Variants in IL1RAPL1 observed in about 807,000 individuals in gnomAD.
IL1RAPL1 encodes interleukin 1 receptor accessory protein like 1.
A neutral mutation model predicts 48.4 loss-of-function variants in IL1RAPL1; 3 were observed. That is an observed-to-expected ratio of 0.06 (90% CI 0.03 to 0.16). The LOEUF is 0.16. Ranked by LOEUF, IL1RAPL1 falls within the 10% of genes least tolerant of loss-of-function variation. The pLI, the probability that IL1RAPL1 is intolerant of heterozygous loss-of-function variation, is 1.00. For synonymous variants in IL1RAPL1, 185 were observed against 187.7 expected (o/e 0.99, Z 0.12); for missense variants, 349 against 530.6 (o/e 0.66, Z 3.36).
intron 5 of IL1RAPL1, among the ~76,000 whole-genome samples, chrX:29,487,367 C>T (rs1231143791): frequency 8.9e-6 from 1 of 112,040 alleles, no homozygotes; most frequent in African/African-American, 3.2e-5. Flanking sequence ...CAATTCCTTT[C>T]ACTCTTCTTT....
intron 1 of IL1RAPL1, among the ~76,000 whole-genome samples, chrX:28,753,967 C>T (rs1284031132): frequency 9.0e-6 from 1 of 110,651 alleles, no homozygotes; most frequent in Non-Finnish European, 1.9e-5. Flanking sequence ...CGAGAACACA[C>T]CCTAAAAGGT....
At chrX:29,631,848 A>G (rs1007427822) in intron 5 of IL1RAPL1, among the ~76,000 whole-genome samples, 4 of 111,653 alleles carry the variant, frequency 3.6e-5, no homozygotes, top group African/African-American at 1.3e-4. Flanking sequence ...TGAATCACAC[A>G]CACAACCACA....
chrX:28,894,584 T>C (rs189405988), intron 2 of IL1RAPL1, among the ~76,000 whole-genome samples: 7 of 111,138 alleles, frequency 6.3e-5, no homozygotes, highest in African/African-American at 2.0e-4. Flanking sequence ...GAGCAGAAAG[T>C]ATATGCGTCA....
At position 28,997,212 on chromosome X, in the gene IL1RAPL1, C is replaced by T. The variant is rs981474974; in HGVS notation, c.82+207787C>T. ...CATACATGAAAAAACTGCCAAAAAC[C>T]TGATGCATTTGTGGTGTAATATTAA... On this transcript the variant is annotated intron_variant, in intron 2 of 10. Coordinates refer to ENST00000378993, the MANE Select transcript of IL1RAPL1 (RefSeq NM_014271.4). Among the ~76,000 whole-genome samples, 4 of 111,411 alleles carry T rather than the reference C, an allele frequency of 3.6e-5. No individual in the cohort carries two copies. In the Admixed American group the frequency reaches 3.8e-4, roughly 11 times the overall value.
rs377736234 is a variant in IL1RAPL1, at chrX:28,985,657, A to ATT, written c.82+196251_82+196252dup. On this transcript the variant is annotated intron_variant, in intron 2 of 10. Coordinates refer to ENST00000378993, the MANE Select transcript of IL1RAPL1 (RefSeq NM_014271.4). ...ATTTCCATCTTTACCTAACGAGCAC[A>ATT]TTTTTTTTTTTTTTTTTTTTGAGAC... Among the ~76,000 whole-genome samples the ATT allele has an allele frequency of 1.4e-3, 127 of 92,661 alleles. 2 individuals are homozygous for ATT. The highest frequency in any genetic ancestry group is 6.3e-3 in the Middle Eastern group (1 of 158). The allele number at this position is 92,661 out of a possible 115,157, so 80.5% of individuals were successfully genotyped here.
At chrX:29,094,597 A>AC (rs5901909) in intron 2 of IL1RAPL1, among the ~76,000 whole-genome samples, 1 of 15,575 alleles carries the variant, frequency 6.4e-5, no homozygotes, top group East Asian at 1.6e-3. Context: ...ATCTCTACTT[A>AC]AAAAAAAAAA....
At chrX:28,891,819 C>A (rs1200533454) in intron 2 of IL1RAPL1, among the ~76,000 whole-genome samples, 2 of 111,469 alleles carry the variant, frequency 1.8e-5, no homozygotes, top group Non-Finnish European at 3.8e-5. Flanking sequence ...ACAGCTGCAT[C>A]ATTTTTCACT....
intron 5 of IL1RAPL1, among the ~76,000 whole-genome samples, chrX:29,667,300 C>A (rs1195016043): frequency 8.9e-6 from 1 of 111,746 alleles, no homozygotes; most frequent in African/African-American, 3.3e-5. Flanking sequence ...AATGTGTTTT[C>A]CTTTAAAAAG....
intron 5 of IL1RAPL1, among the ~76,000 whole-genome samples, chrX:29,627,542 C>G (rs1424392636): frequency 8.9e-6 from 1 of 112,112 alleles, no homozygotes; most frequent in African/African-American, 3.2e-5. Flanking sequence ...AACGAACTCT[C>G]TCTTTGTAGT....
rs756681073 is a variant in IL1RAPL1 at position 28,659,322 on chromosome X, G to C, written c.-25+71275G>C. Reference sequence around the variant, plus strand: ...GTGGACTTCTGATGACTAATTTCACGAAGTGCCACAGTACCAGGCCTGTAA... The same window carrying C: ...GTGGACTTCTGATGACTAATTTCACCAAGTGCCACAGTACCAGGCCTGTAA... On this transcript the variant is annotated intron_variant, in intron 1 of 10. Coordinates refer to ENST00000378993, the MANE Select transcript of IL1RAPL1 (RefSeq NM_014271.4). The C allele has an allele frequency of 7.3e-6, 4 of 551,528 alleles. No individual in the cohort carries two copies. The South Asian group carries it at 9.4e-5, about 13-fold the overall frequency. The allele number at this position is 551,528 out of a possible 1,213,427, so 45.5% of individuals were successfully genotyped here.
At chrX:29,566,007 G>A (rs1441480305) in intron 5 of IL1RAPL1, among the ~76,000 whole-genome samples, 10 of 109,480 alleles carry the variant, frequency 9.1e-5, no homozygotes, top group South Asian at 3.9e-4. Context: ...AGAGTGCAGC[G>A]TCGCGATTTC....
chrX:29,491,437 A>AGAAAG (rs1177006350), intron 5 of IL1RAPL1, among the ~76,000 whole-genome samples: 1 of 112,692 alleles, frequency 8.9e-6, no homozygotes, highest in Non-Finnish European at 1.9e-5. Flanking sequence ...TTACAGAAAC[A>AGAAAG]GAAAGTCCCT....
intron 2 of IL1RAPL1, among the ~76,000 whole-genome samples, chrX:28,946,906 A>T (rs1924319685): frequency 8.9e-6 from 1 of 111,817 alleles, no homozygotes; most frequent in Non-Finnish European, 1.9e-5. Context: ...TGAGTATTTT[A>T]TCAGTGTCAA....
chrX:29,276,900 AAGAT>A (rs1246481288), intron 2 of IL1RAPL1, among the ~76,000 whole-genome samples: 1 of 111,791 alleles, frequency 8.9e-6, no homozygotes, highest in Non-Finnish European at 1.9e-5. Context: ...AAGATAGAGA[AAGAT>A]AGAGATAGAT....
intron 5 of IL1RAPL1, among the ~76,000 whole-genome samples, chrX:29,575,220 C>A (rs1384881379): frequency 9.0e-6 from 1 of 111,678 alleles, no homozygotes; most frequent in African/African-American, 3.3e-5. Flanking sequence ...TCCAGAGGGA[C>A]AGAACTAATA....
chrX:29,136,393 C>A (rs1363406517), intron 2 of IL1RAPL1, among the ~76,000 whole-genome samples: 1 of 111,872 alleles, frequency 8.9e-6, no homozygotes, highest in African/African-American at 3.3e-5. Flanking sequence ...TCCCAAAGGG[C>A]TGGGATTACA....
chrX:29,675,398 C>G lies in IL1RAPL1; in HGVS notation c.778+6894C>G, dbSNP rs368572338. On this transcript the variant is annotated intron_variant, in intron 6 of 10. Transcript: ENST00000378993. ...AGAGAGTCCATTTAAGCTTCCAACT[C>G]CTGGTCTAGTCCCCACGCTGGACAC... Among the ~76,000 whole-genome samples, 4 of 111,730 alleles carry G rather than the reference C, an allele frequency of 3.6e-5. No individual in the cohort carries two copies. The East Asian group carries it at 1.1e-3, about 32-fold the overall frequency.
chrX:29,810,927 A>C (rs1930368084), intron 6 of IL1RAPL1, among the ~76,000 whole-genome samples: 1 of 112,313 alleles, frequency 8.9e-6, no homozygotes, highest in South Asian at 3.7e-4. Context: ...CTTAAAAATA[A>C]AAGGTACTTT....
At chrX:29,474,026 C>T (rs1934949194) in intron 5 of IL1RAPL1, among the ~76,000 whole-genome samples, 1 of 111,750 alleles carries the variant, frequency 8.9e-6, no homozygotes, top group Non-Finnish European at 1.9e-5. Flanking sequence ...GACATCCTTT[C>T]ACTTGACTGC....
Sources: gnomAD v4.1 joint callset for allele counts (sites outside exome capture counted in the v4.1 genomes callset) on GRCh38, gnomAD v4.1.1 for gene constraint, MANE v1.5 for transcripts, NCBI Gene and HGNC (gene_info 2026-07-23, HGNC 2026-07-21) for gene names.